Variants in C4orf33 observed in about 807,000 individuals in gnomAD.
The protein encoded by C4orf33 is chromosome 4 open reading frame 33, also known as UPF0462 protein C4orf33.
C4orf33 carries 20 observed loss-of-function variants against 24.3 expected under a neutral mutation model. The ratio of observed to expected loss-of-function variants is 0.82; its 90% CI spans 0.58 to 1.19. The LOEUF (loss-of-function observed/expected upper bound fraction) is 1.19. C4orf33 is among the 50% of genes most tolerant of loss of function. The pLI, the probability that C4orf33 is intolerant of heterozygous loss-of-function variation, is 0.00. For synonymous variants in C4orf33, 67 were observed against 76.4 expected (o/e 0.88, Z 0.64); for missense variants, 207 against 225.9 (o/e 0.92, Z 0.54).
chr4:129,110,422 C>T (rs2125804604), intron 5 of C4orf33, among the ~76,000 whole-genome samples: 1 of 152,188 alleles, frequency 6.6e-6, no homozygotes, highest in East Asian at 1.9e-4. Flanking sequence ...AGCTCCTGGC[C>T]AGCCTTATGA....
Position 129,113,708 on chromosome 4 carries a change from A to AT in C4orf33, c.*1918dup, listed in dbSNP as rs1753732843. 6.6e-6 allele frequency: 1 copy of AT among 152,152 alleles called. No homozygotes were observed. Among genetic ancestry groups the AT allele is most frequent in the African/African-American group, 2.4e-5 (1 of 41,430 alleles). The allele number at this position is 152,152 out of a possible 1,614,324, so 9.4% of individuals were successfully genotyped here. A position where few individuals can be genotyped will look rare whatever the true frequency, so the allele number is the denominator to read the frequency against. ...AGTGTAAGTCACAGTCTGAAGGGAA[A>AT]TGTGCTTTTTATTTTTGGCTCCAAA... On this transcript the variant is annotated 3_prime_UTR_variant, in exon 6 of 6. Coordinates refer to ENST00000425929, the MANE Select transcript of C4orf33 (RefSeq NM_001099783.2).
upstream of C4orf33, chr4:129,093,775 G>C (rs1289432265): frequency 1.3e-5 from 2 of 153,144 alleles, no homozygotes; most frequent in African/African-American, 4.8e-5. Flanking sequence ...TCTCCAGGTA[G>C]TGAGGCCCAA....
At chr4:129,101,665 A>G (rs1051069376) in intron 1 of C4orf33, among the ~76,000 whole-genome samples, 4 of 152,210 alleles carry the variant, frequency 2.6e-5, no homozygotes, top group Admixed American at 1.3e-4. Context: ...CTGCAATTAA[A>G]TGAGACAATG....
chr4:129,111,662 C>A, intron 5 of C4orf33, 24 bp from the exon 6 acceptor site: 1 of 1,404,082 alleles, frequency 7.1e-7, no homozygotes, highest in South Asian at 1.2e-5. Flanking sequence ...TTTCAATTCC[C>A]ACCTTCTTTT....
chr4:129,111,511 G>A (rs1299921942), intron 5 of C4orf33, among the ~76,000 whole-genome samples, 175 bp from the exon 6 acceptor site: 1 of 152,196 alleles, frequency 6.6e-6, no homozygotes. Context: ...TTTCAGAGCT[G>A]AGTGTTTGAC....
At chr4:129,108,333 T>C (rs2125803482) in intron 3 of C4orf33, among the ~76,000 whole-genome samples, 1 of 152,318 alleles carries the variant, frequency 6.6e-6, no homozygotes, top group Admixed American at 6.5e-5. Context: ...ATCCTTTGGT[T>C]CTTAATGACC....
chr4:129,102,009 T>C (rs2125800329), intron 1 of C4orf33: 1 of 152,314 alleles, frequency 6.6e-6, no homozygotes, highest in Middle Eastern at 3.4e-3. Flanking sequence ...AAAAGGATTT[T>C]GGCCAAAAGA....
In C4orf33 at chr4:129,115,824, ATATAT is replaced by A. The variant is rs1425813597; in HGVS notation, c.*4034_*4038del. 1.7e-4 allele frequency: 17 copies of A among 102,972 alleles called. No individual in the cohort carries two copies. The highest frequency in any genetic ancestry group is 2.9e-4 in the Non-Finnish European group (14 of 48,002). 6.4% of individuals were successfully genotyped at this position (102,972 alleles called of 1,614,324 possible). ...TAAATATATATATATATATATATAT[ATATAT>A]AAAATATATATGTTTATATATAACA... On this transcript the variant is annotated 3_prime_UTR_variant, in exon 6 of 6. Transcript: ENST00000425929.
intron 1 of C4orf33, among the ~76,000 whole-genome samples, chr4:129,100,307 C>T (rs1034067140): frequency 2.7e-5 from 4 of 150,840 alleles, no homozygotes; most frequent in South Asian, 2.1e-4. Flanking sequence ...AACACAAATT[C>T]GTAAACATTA....
At chr4:129,101,712 G>A (rs2125800200) in intron 1 of C4orf33, among the ~76,000 whole-genome samples, 2 of 152,238 alleles carry the variant, frequency 1.3e-5, no homozygotes, top group Middle Eastern at 6.8e-3. Context: ...TCAAAAATGT[G>A]ATTTTATCAA....
rs1408172119 is a variant in C4orf33 at position 129,109,322 on chromosome 4, A to G, written c.258A>G (p.Leu86=). 1 of 1,614,082 alleles carries G rather than the reference A, an allele frequency of 6.2e-7. No homozygotes were observed. The highest frequency in any genetic ancestry group is 8.5e-7 in the Non-Finnish European group (1 of 1,179,908). Residue 86 remains leucine (L), a synonymous_variant, in exon 4 of 6, where the codon TTA becomes TTG. Transcript: ENST00000425929. The part of the protein sequence containing the change: ...EVELCPHGQH[L]VLLLSGRRNV... The stretch of plus-strand genomic sequence containing the variant: ...ATTTTGACAGCCACGGACAGCATTT[A>G]GTGCTTTTACTTTCTGGAAGAAGAA...
At chr4:129,094,217 A>G (rs543164682), upstream of C4orf33, among the ~76,000 whole-genome samples, 3 of 152,120 alleles carry the variant, frequency 2.0e-5, no homozygotes, top group African/African-American at 7.2e-5. Context: ...TTTTTTTTGC[A>G]AAAAACAAAA....
intron 3 of C4orf33, 127 bp downstream of exon 3, chr4:129,106,774 G>T: frequency 1.9e-6 from 1 of 523,112 alleles, no homozygotes; most frequent in Non-Finnish European, 3.4e-6. Flanking sequence ...TTGCTTGAAT[G>T]ATATGCTTTT....
intron 5 of C4orf33, among the ~76,000 whole-genome samples, chr4:129,110,983 C>T (rs1753679918): frequency 6.6e-6 from 1 of 152,170 alleles, no homozygotes. Context: ...CGTCATGTCT[C>T]TCTGGCTCTT....
At chr4:129,107,569 A>T (rs1475250187) in intron 3 of C4orf33, among the ~76,000 whole-genome samples, 3 of 152,138 alleles carry the variant, frequency 2.0e-5, no homozygotes, top group Admixed American at 6.5e-5. Context: ...AGCTAAATCT[A>T]ATGTAGAAAA....
At chr4:129,097,478 A>T (rs1753240479) in intron 1 of C4orf33, among the ~76,000 whole-genome samples, 1 of 152,210 alleles carries the variant, frequency 6.6e-6, no homozygotes, top group Non-Finnish European at 1.5e-5. Context: ...TCACTTCACA[A>T]CATATTTTAG....
chr4:129,105,948 GAC>G (rs1196706537), intron 2 of C4orf33, among the ~76,000 whole-genome samples: 2 of 152,248 alleles, frequency 1.3e-5, no homozygotes, highest in East Asian at 3.9e-4. Context: ...TCTAGACATA[GAC>G]ACACATGCAA....
In C4orf33 at chr4:129,111,789, T is replaced by C. The variant is rs775433334; in HGVS notation, c.598T>C (p.Ter200GlnextTer2). The change falls in exon 6 of 6, where the codon TAG (stop) becomes CAG (glutamine). Residue 200 changes from the stop codon to glutamine, a stop_lost. Coordinates refer to ENST00000425929, the MANE Select transcript of C4orf33 (RefSeq NM_001099783.2). ...DLWLIEKCDI[*>Q] ...GTGGCTAATAGAGAAATGTGATATA[T>C]AGGAGTAATAGATAACCATACCGAT... 2.6e-6 allele frequency: 4 copies of C among 1,543,614 alleles called. No individual in the cohort carries two copies. Among genetic ancestry groups the C allele is most frequent in the Non-Finnish European group, 3.6e-6 (4 of 1,117,840 alleles).
Position 129,109,577 on chromosome 4 carries a change from T to C in C4orf33, c.399T>C (p.Asn133=), listed in dbSNP as rs974557612. The C allele has an allele frequency of 2.5e-5, 41 of 1,613,934 alleles. No homozygotes were observed. Among genetic ancestry groups the C allele is most frequent in the Non-Finnish European group, 3.4e-5 (40 of 1,179,918 alleles). ...SYFPPNVTKF[N]SFAIHGSKDK... ...TTCCACCAAATGTGACAAAATTCAA[T>C]TCATTTGCAATTCATGGATCAAAAG... The change falls in exon 5 of 6, where the codon AAT becomes AAC. Residue 133 remains asparagine, a synonymous_variant. Transcript: ENST00000425929.
Sources: gnomAD v4.1 joint callset for allele counts (sites outside exome capture counted in the v4.1 genomes callset) on GRCh38, gnomAD v4.1.1 for gene constraint, MANE v1.5 for transcripts, NCBI Gene and HGNC (gene_info 2026-07-23, HGNC 2026-07-21) for gene names.